The following TLE1 variants were observed in gnomAD, a reference collection of about 807,000 sequenced individuals.
TLE1 encodes the protein TLE family member 1, transcriptional corepressor, also known as transducin-like enhancer protein 1.
A neutral mutation model predicts 89.8 loss-of-function variants in TLE1; 21 were observed. The observed-to-expected ratio is 0.23, with a 90% confidence interval of 0.17 to 0.34. TLE1 has a LOEUF of 0.34. Ranked by LOEUF, TLE1 falls within the 10% of genes least tolerant of loss-of-function variation. The pLI, the probability that TLE1 is intolerant of heterozygous loss-of-function variation, is 1.00. For synonymous variants in TLE1, 447 were observed against 407.6 expected (o/e 1.10, Z -1.16); for missense variants, 795 against 1,031.2 (o/e 0.77, Z 3.14).
intron 14 of TLE1, among the ~76,000 whole-genome samples, chr9:81,596,896 G>T (rs975345483): frequency 6.6e-6 from 1 of 152,136 alleles, no homozygotes; most frequent in Non-Finnish European, 1.5e-5. Flanking sequence ...TATGATTCAT[G>T]CACTTTTCTG....
At chr9:81,649,643 G>A (rs1829293295) in intron 6 of TLE1, among the ~76,000 whole-genome samples, 2 of 152,150 alleles carry the variant, frequency 1.3e-5, no homozygotes, top group Admixed American at 1.3e-4. Flanking sequence ...CTCTCCCATT[G>A]TTCTTTACCC....
In TLE1 at chr9:81,648,324, A is replaced by G. The variant is rs186300959; in HGVS notation, c.372+3890T>C. ...AGCTCTTCTTTCACATGCCAAAAGAAAGAAAGAAAAAAAAAAGCAAATATC... is the reference window on the plus strand; with the variant it reads ...AGCTCTTCTTTCACATGCCAAAAGAGAGAAAGAAAAAAAAAAGCAAATATC... On this transcript the variant is annotated intron_variant, in intron 6 of 19. Coordinates refer to ENST00000376499, the MANE Select transcript of TLE1 (RefSeq NM_005077.5). Among the ~76,000 whole-genome samples, 7 of 152,190 alleles carry G rather than the reference A, an allele frequency of 4.6e-5. No homozygotes were observed. In the East Asian group the frequency reaches 1.4e-3, roughly 29 times the overall value.
intron 14 of TLE1, among the ~76,000 whole-genome samples, chr9:81,605,043 G>C (rs964636199): frequency 6.6e-6 from 1 of 152,154 alleles, no homozygotes; most frequent in Non-Finnish European, 1.5e-5. Context: ...CTCTTTCCTG[G>C]AGCATGCCTG....
In TLE1 at chr9:81,627,300, G is replaced by A. The variant is rs1412801619; in HGVS notation, c.594+6048C>T. Among the ~76,000 whole-genome samples the A allele has an allele frequency of 2.0e-5, 3 of 147,274 alleles. No homozygotes were observed. The East Asian group carries it at 6.0e-4, about 29-fold the overall frequency. Reference sequence around the variant, plus strand: ...CTCAAGTCAAAAAGAGGTTTTGGAGGGAAAAATTGTTCTCTCACTTTTTTT... The same window carrying A: ...CTCAAGTCAAAAAGAGGTTTTGGAGAGAAAAATTGTTCTCTCACTTTTTTT... On this transcript the variant is annotated intron_variant, in intron 8 of 19. Coordinates refer to ENST00000376499, the MANE Select transcript of TLE1 (RefSeq NM_005077.5).
intron 11 of TLE1, 30 bp from the exon 12 acceptor site, chr9:81,613,551 T>C (rs751073686): frequency 1.2e-6 from 2 of 1,611,016 alleles, no homozygotes; most frequent in Non-Finnish European, 1.7e-6. Flanking sequence ...TAAATGAGTA[T>C]TATTTTTAAT....
intron 8 of TLE1, among the ~76,000 whole-genome samples, chr9:81,626,173 T>G (rs1344149086): frequency 2.0e-5 from 3 of 152,174 alleles, no homozygotes; most frequent in African/African-American, 7.2e-5. Flanking sequence ...TGATTCCCCT[T>G]GGGAACTTTC....
At chr9:81,636,429 A>G (rs891676388) in intron 6 of TLE1, among the ~76,000 whole-genome samples, 2 of 113,142 alleles carry the variant, frequency 1.8e-5, no homozygotes, top group Non-Finnish European at 3.4e-5. Context: ...GGAGAGTAAG[A>G]GCTGTGTCAG....
intron 8 of TLE1, among the ~76,000 whole-genome samples, chr9:81,629,586 G>C (rs1004363083): frequency 6.6e-6 from 1 of 152,108 alleles, no homozygotes; most frequent in Admixed American, 6.6e-5. Flanking sequence ...AAACAACAGG[G>C]ATACTTTGTA....
chr9:81,667,214 A>G lies in TLE1; in HGVS notation c.235-13178T>C, dbSNP rs1831581930. Among the ~76,000 whole-genome samples, 3 of 152,008 alleles carry G rather than the reference A, an allele frequency of 2.0e-5. No homozygotes were observed. In the South Asian group the frequency reaches 6.2e-4, roughly 32 times the overall value. On this transcript the variant is annotated intron_variant, in intron 4 of 19. Transcript: ENST00000376499. ...GATCACTTTAGGTCAGGAGTTTGAG[A>G]CCAGCCTGGCCAACATGGCTAGAAA... is the stretch of plus-strand genomic sequence containing the variant.
At chr9:81,658,391 G>A (rs768281021) in intron 4 of TLE1, among the ~76,000 whole-genome samples, 5 of 152,038 alleles carry the variant, frequency 3.3e-5, no homozygotes, top group African/African-American at 4.8e-5. Flanking sequence ...GAAAAACATC[G>A]AAAGCCATAC....
intron 16 of TLE1, among the ~76,000 whole-genome samples, chr9:81,589,887 T>C (rs1286666865): frequency 1.3e-5 from 2 of 152,160 alleles, no homozygotes; most frequent in African/African-American, 2.4e-5. Context: ...ACTGCCGCAC[T>C]GTCACCCACA....
At chr9:81,653,194 T>C (rs928699665) in intron 5 of TLE1, among the ~76,000 whole-genome samples, 3 of 152,178 alleles carry the variant, frequency 2.0e-5, no homozygotes, top group African/African-American at 7.2e-5. Context: ...AATAATGAGA[T>C]GGTGACCATC....
chr9:81,614,537 C>T (rs897067587), intron 11 of TLE1, among the ~76,000 whole-genome samples: 2 of 152,116 alleles, frequency 1.3e-5, no homozygotes, highest in Admixed American at 6.5e-5. Flanking sequence ...GCAAAGAGCA[C>T]GGGCTAAAGA....
intron 4 of TLE1, among the ~76,000 whole-genome samples, chr9:81,658,808 T>G (rs934337906): frequency 2.0e-5 from 3 of 152,212 alleles, no homozygotes; most frequent in Non-Finnish European, 2.9e-5. Context: ...TTCTTAGTAT[T>G]ATCTCTTGCT....
intron 6 of TLE1, among the ~76,000 whole-genome samples, chr9:81,638,392 G>A (rs1257983046): frequency 1.3e-5 from 2 of 152,148 alleles, no homozygotes; most frequent in East Asian, 1.9e-4. Context: ...AATGAGTAGA[G>A]GGTCCAAATC....
At chr9:81,684,573 G>T (rs1255181403) in intron 4 of TLE1, among the ~76,000 whole-genome samples, 1 of 152,206 alleles carries the variant, frequency 6.6e-6, no homozygotes, top group Non-Finnish European at 1.5e-5. Context: ...ATATAAGGAA[G>T]ATCTGAAGGC....
In TLE1 at chr9:81,622,456, T is replaced by C. The variant is rs1383280914; in HGVS notation, c.595-1899A>G. ...TTAATGTCTTGTTTTTTTTTGTTGTTGTCGTTTAATGATGTCAAATGGTAC... is the reference window on the plus strand; with the variant it reads ...TTAATGTCTTGTTTTTTTTTGTTGTCGTCGTTTAATGATGTCAAATGGTAC... On this transcript the variant is annotated intron_variant, in intron 8 of 19. Coordinates refer to ENST00000376499, the MANE Select transcript of TLE1 (RefSeq NM_005077.5). Among the ~76,000 whole-genome samples, 4 of 152,212 alleles carry C rather than the reference T, an allele frequency of 2.6e-5. No homozygotes were observed. The East Asian group carries it at 5.8e-4, about 22-fold the overall frequency.
At chr9:81,630,200 G>A (rs1459983376) in intron 8 of TLE1, among the ~76,000 whole-genome samples, 2 of 151,434 alleles carry the variant, frequency 1.3e-5, no homozygotes, top group Non-Finnish European at 2.9e-5. Flanking sequence ...TTTGGTCCGA[G>A]GATCCCTTAA....
Position 81,623,536 on chromosome 9 carries a change from A to C in TLE1, c.595-2979T>G, listed in dbSNP as rs778331035. Among the ~76,000 whole-genome samples, 14 of 149,724 alleles carry C rather than the reference A, an allele frequency of 9.4e-5. No homozygotes were observed. The East Asian group carries it at 2.9e-3, about 31-fold the overall frequency. On this transcript the variant is annotated intron_variant, in intron 8 of 19. Transcript: ENST00000376499. ...GCTCATGCCTGTAATCCCAGCACTT[A>C]GGGAGGCCGAGGCAGGCAGATCGCC...
Sources: allele counts gnomAD v4.1 joint callset (sites outside exome capture counted in the v4.1 genomes callset), GRCh38; gene constraint gnomAD v4.1.1; transcripts MANE v1.5; gene names NCBI Gene and HGNC (gene_info 2026-07-23, HGNC 2026-07-21).